The following ZNF704 variants were observed in gnomAD, a reference collection of about 807,000 sequenced individuals.
ZNF704 encodes the protein glucocorticoid induced gene 1.
A neutral mutation model predicts 44.7 loss-of-function variants in ZNF704; 10 were observed. The ratio of observed to expected loss-of-function variants is 0.22; its 90% CI spans 0.14 to 0.38. The LOEUF is 0.38. ZNF704 is among the 10% of genes least tolerant of loss of function. ZNF704 has a pLI of 1.00. For missense variants in ZNF704, 390 were observed against 545.5 expected (o/e 0.71, Z 2.84); for synonymous variants, 211 against 207.6 (o/e 1.02, Z -0.14).
chr8:80,779,573 A>G (rs1257703841), intron 2 of ZNF704, among the ~76,000 whole-genome samples: 1 of 152,172 alleles, frequency 6.6e-6, no homozygotes, highest in Non-Finnish European at 1.5e-5. Flanking sequence ...ATCAATGTAT[A>G]AAGAATGACA....
intron 2 of ZNF704, among the ~76,000 whole-genome samples, chr8:80,783,226 GAGA>G (rs1807558938): frequency 1.3e-5 from 2 of 152,186 alleles, no homozygotes; most frequent in South Asian, 4.1e-4. Context: ...CTGTCCAGAA[GAGA>G]AGGCCTGTCC....
chr8:80,738,630 T>C (rs185001121), intron 2 of ZNF704, among the ~76,000 whole-genome samples: 1 of 151,726 alleles, frequency 6.6e-6, no homozygotes, highest in Non-Finnish European at 1.5e-5. Context: ...CCTACTAATA[T>C]AATTGAAACA....
intron 1 of ZNF704, among the ~76,000 whole-genome samples, chr8:80,843,347 T>C (rs1166492224): frequency 6.6e-6 from 1 of 152,204 alleles, no homozygotes; most frequent in Non-Finnish European, 1.5e-5. Context: ...ACAGTACTTA[T>C]CATAAGACCA....
At chr8:80,663,750 AG>A (rs1818139579) in intron 6 of ZNF704, among the ~76,000 whole-genome samples, 1 of 152,002 alleles carries the variant, frequency 6.6e-6, no homozygotes. Context: ...TTTTTGAGAC[AG>A]GGTCTTACTC....
chr8:80,822,644 C>G (rs1223444194), intron 1 of ZNF704, among the ~76,000 whole-genome samples: 1 of 152,174 alleles, frequency 6.6e-6, no homozygotes, highest in Non-Finnish European at 1.5e-5. Context: ...AATGGTTGAA[C>G]TAGTTTACAG....
At chr8:80,878,040 C>T (rs1360957265), upstream of ZNF704, among the ~76,000 whole-genome samples, 2 of 152,116 alleles carry the variant, frequency 1.3e-5, no homozygotes, top group African/African-American at 4.8e-5. Flanking sequence ...TCCATTCTCC[C>T]CTACTGTCCG....
intron 5 of ZNF704, among the ~76,000 whole-genome samples, chr8:80,667,670 A>G (rs1818216597): frequency 6.6e-6 from 1 of 152,198 alleles, no homozygotes; most frequent in Non-Finnish European, 1.5e-5. Flanking sequence ...GGCAGAGGGT[A>G]GGTACCTAGC....
intron 2 of ZNF704, among the ~76,000 whole-genome samples, chr8:80,776,201 T>C (rs866366983): frequency 5.9e-5 from 9 of 152,184 alleles, no homozygotes; most frequent in South Asian, 2.1e-4. Flanking sequence ...TATCACTATT[T>C]TGGATTATTT....
chr8:80,686,917 G>A (rs1464442727), intron 4 of ZNF704, among the ~76,000 whole-genome samples: 2 of 152,060 alleles, frequency 1.3e-5, no homozygotes, highest in Non-Finnish European at 1.5e-5. Context: ...AGTTCATACC[G>A]AAGCAAGCCT....
intron 2 of ZNF704, among the ~76,000 whole-genome samples, chr8:80,788,878 C>T (rs1807658063): frequency 6.6e-6 from 1 of 152,172 alleles, no homozygotes; most frequent in Non-Finnish European, 1.5e-5. Context: ...AAAATCCCCA[C>T]TTAAAAACAA....
chr8:80,872,747 A>C (rs1210785025), intron 1 of ZNF704, among the ~76,000 whole-genome samples: 1 of 152,198 alleles, frequency 6.6e-6, no homozygotes, highest in African/African-American at 2.4e-5. Flanking sequence ...CACAAACGGA[A>C]AAATCTCTCG....
chr8:80,847,151 T>C (rs1808780126), intron 1 of ZNF704, among the ~76,000 whole-genome samples: 1 of 152,112 alleles, frequency 6.6e-6, no homozygotes. Context: ...CCAGTCTGAG[T>C]GACAGAGTGA....
chr8:80,853,175 A>G (rs542527992), intron 1 of ZNF704, among the ~76,000 whole-genome samples: 7 of 152,256 alleles, frequency 4.6e-5, no homozygotes, highest in Non-Finnish European at 8.8e-5. Context: ...ATACCAGCCT[A>G]GGCAACACAG....
intron 2 of ZNF704, among the ~76,000 whole-genome samples, chr8:80,783,122 T>G (rs1284359580): frequency 6.6e-6 from 1 of 152,094 alleles, no homozygotes; most frequent in Non-Finnish European, 1.5e-5. Context: ...ATAACCAGAC[T>G]GAACATGTGT....
intron 2 of ZNF704, among the ~76,000 whole-genome samples, chr8:80,804,399 C>T (rs144827703): frequency 0.04 from 6,047 of 152,150 alleles, 377 homozygotes; most frequent in African/African-American, 0.14. Flanking sequence ...GCACTATTCA[C>T]AATAGCAAAG....
chr8:80,730,306 A>C (rs1806557266), intron 2 of ZNF704, among the ~76,000 whole-genome samples: 1 of 152,034 alleles, frequency 6.6e-6, no homozygotes, highest in Non-Finnish European at 1.5e-5. Context: ...GGGAGGCCGA[A>C]GTGGGCAGAT....
chr8:80,762,293 A>G (rs1200945155), intron 2 of ZNF704, among the ~76,000 whole-genome samples: 6 of 152,224 alleles, frequency 3.9e-5, no homozygotes, highest in Non-Finnish European at 8.8e-5. Context: ...ACTGTTACAA[A>G]GAAATATCTG....
intron 2 of ZNF704, among the ~76,000 whole-genome samples, chr8:80,813,797 T>G (rs1808130598): frequency 6.6e-6 from 1 of 152,052 alleles, no homozygotes; most frequent in South Asian, 2.1e-4. Flanking sequence ...AAGAATGGCG[T>G]GAACCCAGAA....
intron 4 of ZNF704, among the ~76,000 whole-genome samples, chr8:80,683,611 C>CG (rs1482248402): frequency 2.0e-5 from 3 of 150,246 alleles, no homozygotes; most frequent in Non-Finnish European, 3.0e-5. Context: ...AGCTACACAA[C>CG]CTTGGACAGT....
Sources: allele counts gnomAD v4.1 joint callset (sites outside exome capture counted in the v4.1 genomes callset), GRCh38; gene constraint gnomAD v4.1.1; transcripts MANE v1.5; gene names NCBI Gene and HGNC (gene_info 2026-07-23, HGNC 2026-07-21).